The following POLR1A variants were observed in gnomAD, a reference collection of about 807,000 sequenced individuals.
The protein encoded by POLR1A is DNA-directed RNA polymerase I subunit RPA1.
A neutral mutation model predicts 205.3 loss-of-function variants in POLR1A; 84 were observed. The observed-to-expected ratio is 0.41, with a 90% CI of 0.34 to 0.49. POLR1A has a LOEUF of 0.49. Ranked by LOEUF, POLR1A falls within the 20% of genes least tolerant of loss-of-function variation. The pLI, the probability that POLR1A is intolerant of heterozygous loss-of-function variation, is 0.22. For missense variants in POLR1A, 1,645 were observed against 2,204.5 expected (o/e 0.75, Z 5.08); for synonymous variants, 799 against 863.7 (o/e 0.93, Z 1.31).
intron 14 of POLR1A, among the ~76,000 whole-genome samples, chr2:86,055,297 G>A (rs56846397): frequency 0.055 from 8,314 of 150,976 alleles, 464 homozygotes; most frequent in East Asian, 0.32. Flanking sequence ...TCTGTCTCAA[G>A]AAAAAAAAGA....
Position 86,098,612 on chromosome 2 carries a change from C to T in POLR1A, c.431G>A (p.Arg144Lys). Residue 144 changes from arginine to lysine, a missense_variant and splice_region_variant, in exon 3 of 34, where the codon AGG (arginine) becomes AAG (lysine). By Grantham distance (26) the Arg-to-Lys change is conservative (BLOSUM62 2). Around this residue, in one of 16 missense-constraint regions of POLR1A, gnomAD observed 330 missense variants for 375.6 expected, o/e 0.88. Coordinates refer to ENST00000263857, the MANE Select transcript of POLR1A (RefSeq NM_015425.6). ...CTGTGACCACCACTACCCACCTACC[C>T]TGTTCAGAATTCTCTCAAGCTCGTA... ...AVYELERILN[R>K]FLEENPDPSA... 3 of 1,613,436 alleles carry T rather than the reference C, an allele frequency of 1.9e-6. No individual in the cohort carries two copies. The highest frequency in any genetic ancestry group is 2.5e-6 in the Non-Finnish European group (3 of 1,179,818).
chr2:86,067,483 A>G (rs1042487395), intron 13 of POLR1A, among the ~76,000 whole-genome samples: 3 of 152,226 alleles, frequency 2.0e-5, no homozygotes, highest in African/African-American at 4.8e-5. Context: ...GAAAAGTTTA[A>G]CTGTTTTCAT....
chr2:86,073,755 A>G (rs1673223671), intron 12 of POLR1A, among the ~76,000 whole-genome samples: 1 of 152,164 alleles, frequency 6.6e-6, no homozygotes, highest in Non-Finnish European at 1.5e-5. Context: ...AGGGACTGCA[A>G]AGTGCTAGCA....
chr2:86,088,288 C>T (rs1302196781), intron 6 of POLR1A, among the ~76,000 whole-genome samples: 1 of 152,174 alleles, frequency 6.6e-6, no homozygotes, highest in African/African-American at 2.4e-5. Flanking sequence ...TAATTTCTTC[C>T]TGAAAAACCT....
rs1184675900 is a variant in POLR1A at position 86,105,854 on chromosome 2, G to T, written c.-78C>A. 1.5e-6 allele frequency: 2 copies of T among 1,313,364 alleles called. No individual in the cohort carries two copies. Among genetic ancestry groups the T allele is most frequent in the Admixed American group, 1.9e-5 (1 of 52,944 alleles). The allele number at this position is 1,313,364 out of a possible 1,614,324, so 81.4% of individuals were successfully genotyped here. A position where few individuals can be genotyped will look rare whatever the true frequency, so the allele number is the denominator to read the frequency against. ...CTGACTATTCTTAATTCAACCTCAA[G>T]CCCGGAGTCACCACGCGATTCAACG... On this transcript the variant is annotated 5_prime_UTR_variant, in exon 1 of 34. Transcript: ENST00000263857.
chr2:86,044,110 C>T (rs573726177), intron 22 of POLR1A, 29 bp downstream of exon 22: 18 of 1,610,004 alleles, frequency 1.1e-5, no homozygotes, highest in Middle Eastern at 1.7e-4. Flanking sequence ...TACTGCTCGG[C>T]CCCCAGGCTC....
rs1367714401 is a variant in POLR1A at position 86,028,614 on chromosome 2, T to C, written c.4877A>G (p.Lys1626Arg). 1 of 1,613,766 alleles carries C rather than the reference T, an allele frequency of 6.2e-7. No homozygotes were observed. Among genetic ancestry groups the C allele is most frequent in the South Asian group, 1.1e-5 (1 of 91,080 alleles). ...AALRVIEKEIKDVFAVYGIAV... is the reference protein window; with the variant it reads ...AALRVIEKEIRDVFAVYGIAV... The stretch of plus-strand genomic sequence containing the variant: ...CTTACCATACACGGCAAACACATCC[T>C]TGATCTCCTTCTCGATCACCCGCAG... Residue 1626 changes from lysine to arginine, a missense_variant, in exon 32 of 34, where the codon AAG becomes AGG. This residue lies in a region of POLR1A where 86 missense variants were observed against 149.8 expected (regional missense o/e 0.57). Coordinates refer to ENST00000263857, the MANE Select transcript of POLR1A (RefSeq NM_015425.6). This position sits in a 1 kb window ranked among gnomAD's most constrained non-coding sequence, Gnocchi z 4.5.
Position 86,072,753 on chromosome 2 carries a change from G to A in POLR1A, c.1611+2277C>T, listed in dbSNP as rs572302548. 2.0e-5 allele frequency among the ~76,000 whole-genome samples: 3 copies of A among 152,334 alleles called. No homozygotes were observed. In the South Asian group the frequency reaches 6.2e-4, roughly 32 times the overall value. ...TTATTTACAAGGCCCAGGGGATGGG[G>A]CAGAGCTTTCATACTTCATAGAGGA... On this transcript the variant is annotated intron_variant, in intron 12 of 33. Transcript: ENST00000263857.
Position 86,088,649 on chromosome 2 carries a change from C to T in POLR1A, c.647G>A (p.Arg216Gln). ...AGTCAACTTGCTGTTGTGTTCCTTT[C>T]GGACAACGGATCGCCCGGTCCTGTG... ...PHCKTGRSVVRKEHNSKLTIT... is the reference protein window; with the variant it reads ...PHCKTGRSVVQKEHNSKLTIT... Residue 216 changes from arginine to glutamine, a missense_variant, in exon 6 of 34, where the codon CGA becomes CAA. This residue lies in a region of POLR1A where 330 missense variants were observed against 375.6 expected (regional missense o/e 0.88). Transcript: ENST00000263857. 2.5e-6 allele frequency: 4 copies of T among 1,613,904 alleles called. No homozygotes were observed. Among genetic ancestry groups the T allele is most frequent in the Non-Finnish European group, 2.5e-6 (3 of 1,179,792 alleles).
At chr2:86,075,340 CTG>C (rs1673262045) in intron 11 of POLR1A, 80 bp from the exon 12 acceptor site, 1 of 1,026,892 alleles carries the variant, frequency 9.7e-7, no homozygotes, top group Non-Finnish European at 1.5e-6. Context: ...TCTCAACAGG[CTG>C]TCTTTTCACC....
Position 86,071,227 on chromosome 2 carries a change from C to CGTGTGCGCGCGCGCGTGT in POLR1A, c.1612-956_1612-955insACACGCGCGCGCGCACAC. On this transcript the variant is annotated intron_variant, in intron 12 of 33. Transcript: ENST00000263857. ...CCCAGCTTCTCTCTCTCTCCGTGTG[C>CGTGTGCGCGCGCGCGTGT]ATGTGTGTGTGTGTGTGTGTGTGTG... Among the ~76,000 whole-genome samples, 3 of 147,356 alleles carry CGTGTGCGCGCGCGCGTGT rather than the reference C, an allele frequency of 2.0e-5. No homozygotes were observed. The East Asian group carries it at 6.2e-4, about 30-fold the overall frequency.
In POLR1A at chr2:86,070,370, T is replaced by C. The variant is rs1673154700; in HGVS notation, c.1612-98A>G. On this transcript the variant is annotated intron_variant, in intron 12 of 33. Transcript: ENST00000263857. This position sits in a 1 kb window ranked among gnomAD's most constrained non-coding sequence, Gnocchi z 4.4. The stretch of plus-strand genomic sequence containing the variant: ...CTCAGCTTGACCAAGGTGTGGCTTT[T>C]GTCTCACGTTCTAGTTAACTAAATG... 2.6e-5 allele frequency: 34 copies of C among 1,306,936 alleles called. No homozygotes were observed. In the South Asian group the frequency reaches 4.5e-4, roughly 17 times the overall value. The allele number at this position is 1,306,936 out of a possible 1,614,324, so 81.0% of individuals were successfully genotyped here.
intron 4 of POLR1A, 27 bp from the exon 5 acceptor site, chr2:86,088,897 C>T (rs746825152): frequency 6.8e-7 from 1 of 1,472,634 alleles, no homozygotes; most frequent in Non-Finnish European, 9.5e-7. Flanking sequence ...AGTCAGAGAA[C>T]CTTGGAGTGC....
chr2:86,075,835 T>C (rs1673272564), intron 11 of POLR1A, among the ~76,000 whole-genome samples: 1 of 152,202 alleles, frequency 6.6e-6, no homozygotes, highest in Non-Finnish European at 1.5e-5. Flanking sequence ...TAAAACTTCA[T>C]TTTCTTATCT....
Position 86,054,298 on chromosome 2 carries a change from A to G in POLR1A, c.2059-9T>C. 6.2e-7 allele frequency: 1 copy of G among 1,613,194 alleles called. No individual in the cohort carries two copies. The highest frequency in any genetic ancestry group is 1.7e-4 in the Middle Eastern group (1 of 6,056). The stretch of plus-strand genomic sequence containing the variant: ...AGCAGCGTTGACACAACCTGCAAAG[A>G]AAAAGAGGACAAACTGATGGCAAAA... On this transcript the variant is annotated splice_polypyrimidine_tract_variant and intron_variant, in intron 14 of 33. Transcript: ENST00000263857.
intron 21 of POLR1A, 109 bp downstream of exon 21, chr2:86,045,169 A>C: frequency 1.3e-6 from 1 of 747,530 alleles, no homozygotes; most frequent in Non-Finnish European, 2.3e-6. Context: ...AACTTTCCAA[A>C]AGTTTTTTCA....
At chr2:86,081,831 G>A in intron 7 of POLR1A, 125 bp from the exon 8 acceptor site, 2 of 632,102 alleles carry the variant, frequency 3.2e-6, no homozygotes, top group Non-Finnish European at 5.5e-6. Context: ...TAGAGTTAAG[G>A]TCACAGTTTT....
chr2:86,080,096 G>A (rs1673372547), intron 9 of POLR1A, among the ~76,000 whole-genome samples: 1 of 152,122 alleles, frequency 6.6e-6, no homozygotes, highest in Admixed American at 6.6e-5. Context: ...TGATGGGCCT[G>A]GCAGACAGCG....
intron 13 of POLR1A, among the ~76,000 whole-genome samples, chr2:86,068,909 C>T (rs2104411763): frequency 6.6e-6 from 1 of 152,386 alleles, no homozygotes; most frequent in Middle Eastern, 3.4e-3. Flanking sequence ...TGCTGATTGA[C>T]ACTAGGCATC....
Sources: allele counts gnomAD v4.1 joint callset (sites outside exome capture counted in the v4.1 genomes callset), GRCh38; gene constraint gnomAD v4.1.1; regional missense constraint gnomAD v4.1.1; non-coding constraint Gnocchi (gnomAD v3.1); transcripts MANE v1.5; gene names NCBI Gene and HGNC (gene_info 2026-07-23, HGNC 2026-07-21).